The following PDE8B variants were observed in gnomAD, a reference collection of about 807,000 sequenced individuals.
PDE8B encodes high affinity cAMP-specific and IBMX-insensitive 3',5'-cyclic phosphodiesterase 8B.
PDE8B carries 26 observed loss-of-function variants against 101.3 expected under a neutral mutation model. That is an observed-to-expected ratio of 0.26 (90% CI 0.19 to 0.36). The LOEUF is 0.36. Among genes scored for constraint, PDE8B ranks in the 10% least tolerant of loss-of-function variants. The probability of loss-of-function intolerance (pLI) is 1.00; values close to 1 mark genes in which losing one functional copy is unlikely to be tolerated. For missense variants in PDE8B, 810 were observed against 1,163.1 expected (o/e 0.70, Z 4.42); for synonymous variants, 424 against 429.3 (o/e 0.99, Z 0.15).
At chr5:77,257,221 T>A (rs1242695009) in intron 1 of PDE8B, among the ~76,000 whole-genome samples, 1 of 152,124 alleles carries the variant, frequency 6.6e-6, no homozygotes, top group Non-Finnish European at 1.5e-5. Flanking sequence ...CCCAACCACA[T>A]CAATAGTTGT....
intron 10 of PDE8B, among the ~76,000 whole-genome samples, chr5:77,370,394 A>G (rs1177813658): frequency 6.6e-6 from 1 of 152,236 alleles, no homozygotes; most frequent in Admixed American, 6.5e-5. Flanking sequence ...CTAGAATTTC[A>G]TCTAAATGGA....
the PDE8B span, among the ~76,000 whole-genome samples, chr5:77,089,649 C>A: frequency 6.6e-6 from 1 of 152,208 alleles, no homozygotes. Flanking sequence ...AGGACACTTA[C>A]AGCTACGGAC....
intron 1 of PDE8B, among the ~76,000 whole-genome samples, chr5:77,309,921 G>A (rs1772163741): frequency 8.5e-6 from 1 of 118,154 alleles, no homozygotes; most frequent in Non-Finnish European, 1.7e-5. Flanking sequence ...TGCCCAACTG[G>A]TTTCCCTTTT....
intron 9 of PDE8B, among the ~76,000 whole-genome samples, chr5:77,351,998 C>T (rs1781224824): frequency 6.6e-6 from 1 of 152,214 alleles, no homozygotes. Context: ...TTTGTAATAG[C>T]TTGTTTCCCC....
chr5:77,236,595 C>T (rs1754746337), intron 1 of PDE8B, among the ~76,000 whole-genome samples: 1 of 152,178 alleles, frequency 6.6e-6, no homozygotes, highest in South Asian at 2.1e-4. Flanking sequence ...TATTGGACCA[C>T]TGGATTTAGC....
chr5:77,145,847 T>G, the PDE8B span: 1 of 152,196 alleles, frequency 6.6e-6, no homozygotes, highest in African/African-American at 2.4e-5. Flanking sequence ...ACTACTCAGC[T>G]GCAAACATGT....
In PDE8B at chr5:77,273,230, C is replaced by T. The variant is rs567563662; in HGVS notation, c.340-38764C>T. Among the ~76,000 whole-genome samples, 17 of 152,256 alleles carry T rather than the reference C, an allele frequency of 1.1e-4. 1 individual carries two copies. Among genetic ancestry groups the T allele is most frequent in the Admixed American group, 9.8e-4 (15 of 15,304 alleles). On this transcript the variant is annotated intron_variant, in intron 1 of 21. Coordinates refer to ENST00000264917, the MANE Select transcript of PDE8B (RefSeq NM_003719.5). Reference sequence around the variant, plus strand: ...ATGTACTTTCTATAGAATCTGAAGCCTAATTTTAACATTGTATCGTTTTTT... The same window carrying T: ...ATGTACTTTCTATAGAATCTGAAGCTTAATTTTAACATTGTATCGTTTTTT...
At chr5:77,328,630 T>C (rs975775319) in intron 3 of PDE8B, among the ~76,000 whole-genome samples, 1 of 152,118 alleles carries the variant, frequency 6.6e-6, no homozygotes, top group Admixed American at 6.5e-5. Flanking sequence ...CCCAGTGAGC[T>C]CCCCCAGGTA....
At chr5:77,387,386 A>G (rs1788941689) in intron 10 of PDE8B, among the ~76,000 whole-genome samples, 1 of 152,144 alleles carries the variant, frequency 6.6e-6, no homozygotes, top group African/African-American at 2.4e-5. Context: ...AATGTTGAAT[A>G]TTGGTCCCCA....
the PDE8B span, among the ~76,000 whole-genome samples, chr5:77,156,749 C>G: frequency 6.6e-6 from 1 of 151,998 alleles, no homozygotes. Context: ...GAGCTCCACC[C>G]CTCACTCTTC....
chr5:77,407,329 T>G, intron 12 of PDE8B, 52 bp from the exon 13 acceptor site: 2 of 1,406,996 alleles, frequency 1.4e-6, no homozygotes, highest in Non-Finnish European at 2.0e-6. Flanking sequence ...TTGCTGCACT[T>G]AGCCACACTG....
chr5:77,406,157 A>G (rs1793390647), intron 12 of PDE8B, among the ~76,000 whole-genome samples: 1 of 152,114 alleles, frequency 6.6e-6, no homozygotes, highest in Non-Finnish European at 1.5e-5. Context: ...GTGATGACGC[A>G]TGCCTTAATC....
chr5:77,361,448 A>C (rs1248959381), intron 10 of PDE8B, among the ~76,000 whole-genome samples: 1 of 152,190 alleles, frequency 6.6e-6, no homozygotes, highest in Non-Finnish European at 1.5e-5. Context: ...TCAACAAAGA[A>C]GTTCCTCACA....
Position 77,415,673 on chromosome 5 carries a change from A to G in PDE8B, c.1911+2364A>G, listed in dbSNP as rs528739632. Among the ~76,000 whole-genome samples, 49 of 152,200 alleles carry G rather than the reference A, an allele frequency of 3.2e-4. 1 individual carries two copies. Among genetic ancestry groups the G allele is most frequent in the African/African-American group, 1.0e-3 (42 of 41,538 alleles). On this transcript the variant is annotated intron_variant, in intron 17 of 21. Transcript: ENST00000264917. Reference sequence around the variant, plus strand: ...TGCTTCCAGCCAGGCTAAAATTCTTAATGTCACTATGACAAAGCATGCCCA... The same window carrying G: ...TGCTTCCAGCCAGGCTAAAATTCTTGATGTCACTATGACAAAGCATGCCCA...
intron 10 of PDE8B, among the ~76,000 whole-genome samples, chr5:77,366,688 G>A (rs370993043): frequency 2.0e-5 from 3 of 152,254 alleles, no homozygotes; most frequent in Non-Finnish European, 2.9e-5. Flanking sequence ...GCCAGAGCGG[G>A]GCCTATGTAT....
intron 1 of PDE8B, among the ~76,000 whole-genome samples, chr5:77,301,034 A>G (rs986828778): frequency 1.2e-4 from 18 of 152,318 alleles, no homozygotes; most frequent in African/African-American, 4.1e-4. Flanking sequence ...CCCTGGGGCC[A>G]TCTAATCTTT....
intron 10 of PDE8B, among the ~76,000 whole-genome samples, chr5:77,378,011 C>T (rs905731894): frequency 1.1e-4 from 10 of 91,300 alleles, no homozygotes; most frequent in East Asian, 7.3e-4. Context: ...TCTCTCTCTA[C>T]ACACACACAC....
At chr5:77,167,481 T>C in the PDE8B span, among the ~76,000 whole-genome samples, 3 of 152,338 alleles carry the variant, frequency 2.0e-5, no homozygotes, top group African/African-American at 7.2e-5. Flanking sequence ...TTAGATTGTG[T>C]ATAGAATATG....
chr5:77,099,359 C>T, the PDE8B span, among the ~76,000 whole-genome samples: 36,477 of 152,102 alleles, frequency 0.24, 4,837 homozygotes, highest in Admixed American at 0.35. Flanking sequence ...TGTTGGAATA[C>T]TGTAGGCCAG....
Sources: allele counts gnomAD v4.1 joint callset (sites outside exome capture counted in the v4.1 genomes callset), GRCh38; gene constraint gnomAD v4.1.1; transcripts MANE v1.5; gene names NCBI Gene and HGNC (gene_info 2026-07-23, HGNC 2026-07-21).